RARB: variants seen among roughly 807,000 people sequenced by gnomAD.
The protein encoded by RARB is HBV-activated protein.
A neutral mutation model predicts 51.9 loss-of-function variants in RARB; 17 were observed. The ratio of observed to expected loss-of-function variants is 0.33; its 90% CI spans 0.22 to 0.49. The LOEUF is 0.49. Ranked by LOEUF, RARB falls within the 20% of genes least tolerant of loss-of-function variation. The probability of loss-of-function intolerance (pLI) is 0.99; values close to 1 mark genes in which losing one functional copy is unlikely to be tolerated. For missense variants in RARB, 369 were observed against 550.8 expected (o/e 0.67, Z 3.30); for synonymous variants, 215 against 195.4 (o/e 1.10, Z -0.84).
chr3:24,942,928 A>G (rs1286206973), intron 2 of RARB, among the ~76,000 whole-genome samples: 1 of 152,206 alleles, frequency 6.6e-6, no homozygotes, highest in Non-Finnish European at 1.5e-5. Flanking sequence ...TATTAATAAA[A>G]ATGTAAGAGA....
intron 3 of RARB, among the ~76,000 whole-genome samples, chr3:25,527,496 G>C (rs577357297): frequency 6.6e-6 from 1 of 152,330 alleles, no homozygotes; most frequent in Non-Finnish European, 1.5e-5. Context: ...TTAGTCAGCT[G>C]TGGGTTCAAT....
At chr3:24,997,265 A>G (rs946679687) in intron 2 of RARB, among the ~76,000 whole-genome samples, 1 of 152,044 alleles carries the variant, frequency 6.6e-6, no homozygotes, top group African/African-American at 2.4e-5. Flanking sequence ...TTTGCCTGAT[A>G]AGTATAGCTA....
intron 3 of RARB, among the ~76,000 whole-genome samples, chr3:25,067,512 A>G (rs921859730): frequency 1.3e-5 from 2 of 152,184 alleles, no homozygotes; most frequent in Admixed American, 6.5e-5. Context: ...GCCTTTTATC[A>G]CATTTTAATG....
At chr3:24,993,794 A>G (rs913001084) in intron 2 of RARB, among the ~76,000 whole-genome samples, 1 of 152,146 alleles carries the variant, frequency 6.6e-6, no homozygotes. Flanking sequence ...CACTTAACAT[A>G]TGATCCTCCA....
intron 5 of RARB, among the ~76,000 whole-genome samples, chr3:25,195,429 T>C (rs1701210237): frequency 6.6e-6 from 1 of 152,060 alleles, no homozygotes; most frequent in South Asian, 2.1e-4. Flanking sequence ...GCTAAAGTAA[T>C]ATTTCTTAAG....
chr3:25,539,705 C>T (rs1699297009), intron 3 of RARB, among the ~76,000 whole-genome samples: 1 of 151,132 alleles, frequency 6.6e-6, no homozygotes, highest in East Asian at 1.9e-4. Context: ...CAGAGGTGGT[C>T]TGTCCAGAGT....
Position 24,868,416 on chromosome 3 carries a change from C to T in RARB, c.-380+9664C>T, listed in dbSNP as rs1002095938. On this transcript the variant is annotated intron_variant, in intron 2 of 11. Coordinates refer to the RARB transcript ENST00000383772. Reference sequence around the variant, plus strand: ...AAAATACTTTATATATTAACTCTGTCGTGGCTACTTTCCATTTCTATTTTT... The same window carrying T: ...AAAATACTTTATATATTAACTCTGTTGTGGCTACTTTCCATTTCTATTTTT... 3.9e-5 allele frequency among the ~76,000 whole-genome samples: 6 copies of T among 152,086 alleles called. No homozygotes were observed. The East Asian group carries it at 1.2e-3, about 29-fold the overall frequency.
At chr3:25,502,171 G>A (rs982099364) in intron 3 of RARB, among the ~76,000 whole-genome samples, 5 of 152,222 alleles carry the variant, frequency 3.3e-5, no homozygotes, top group African/African-American at 4.8e-5. Flanking sequence ...GCACATGTGA[G>A]CAGTGGGCTG....
At chr3:24,947,314 T>C (rs1695796817) in intron 2 of RARB, among the ~76,000 whole-genome samples, 1 of 152,262 alleles carries the variant, frequency 6.6e-6, no homozygotes, top group Non-Finnish European at 1.5e-5. Flanking sequence ...TTTCTCTGTT[T>C]ACCAATCCTA....
At chr3:24,895,857 C>T (rs1415615573) in intron 2 of RARB, among the ~76,000 whole-genome samples, 1 of 152,154 alleles carries the variant, frequency 6.6e-6, no homozygotes, top group Non-Finnish European at 1.5e-5. Flanking sequence ...ACTTCCACAA[C>T]CAGGCATATA....
intron 3 of RARB, among the ~76,000 whole-genome samples, chr3:25,555,910 G>A (rs1575515587): frequency 6.6e-6 from 1 of 152,306 alleles, no homozygotes; most frequent in African/African-American, 2.4e-5. Flanking sequence ...CTGGGCATGG[G>A]TGTGGGTGTT....
chr3:24,991,371 A>T (rs1487487373), intron 2 of RARB, among the ~76,000 whole-genome samples: 1 of 151,608 alleles, frequency 6.6e-6, no homozygotes, highest in South Asian at 2.1e-4. Context: ...TGAACCTGGG[A>T]GGTAGAGGTT....
chr3:25,341,978 A>T (rs1419200970), intron 5 of RARB, among the ~76,000 whole-genome samples: 1 of 152,200 alleles, frequency 6.6e-6, no homozygotes. Flanking sequence ...TCTTCCACTA[A>T]AACAACACTT....
intron 2 of RARB, among the ~76,000 whole-genome samples, chr3:25,000,821 A>G (rs1488489118): frequency 6.6e-6 from 1 of 152,166 alleles, no homozygotes; most frequent in African/African-American, 2.4e-5. Context: ...CTTACTTACA[A>G]AAGTGTAAGT....
intron 5 of RARB, among the ~76,000 whole-genome samples, chr3:25,369,861 G>A (rs1351811221): frequency 2.6e-5 from 4 of 152,080 alleles, no homozygotes; most frequent in African/African-American, 9.7e-5. Flanking sequence ...GGCAGAGTTT[G>A]CAGTGAGCCA....
intron 3 of RARB, among the ~76,000 whole-genome samples, chr3:25,542,756 T>C (rs1189939253): frequency 6.6e-6 from 1 of 152,256 alleles, no homozygotes; most frequent in Non-Finnish European, 1.5e-5. Flanking sequence ...CATTAGTAAC[T>C]GCCATGGAGC....
chr3:24,875,018 C>A (rs1267238615), intron 2 of RARB, among the ~76,000 whole-genome samples: 4 of 151,940 alleles, frequency 2.6e-5, no homozygotes, highest in Non-Finnish European at 2.9e-5. Flanking sequence ...AATATGTAAA[C>A]CTTAGAATGC....
chr3:25,215,092 G>C (rs1165083308), intron 5 of RARB, among the ~76,000 whole-genome samples: 1 of 152,148 alleles, frequency 6.6e-6, no homozygotes, highest in South Asian at 2.1e-4. Flanking sequence ...AAAAATCCCA[G>C]CCAGTTGTTC....
At chr3:25,578,640 G>A (rs1265764639) in intron 4 of RARB, among the ~76,000 whole-genome samples, 1 of 152,178 alleles carries the variant, frequency 6.6e-6, no homozygotes, top group African/African-American at 2.4e-5. Flanking sequence ...TCCCTCAAGT[G>A]TACTGTATAC....
Sources: gnomAD v4.1 joint callset for allele counts (sites outside exome capture counted in the v4.1 genomes callset) on GRCh38, gnomAD v4.1.1 for gene constraint, MANE v1.5 for transcripts, NCBI Gene and HGNC (gene_info 2026-07-23, HGNC 2026-07-21) for gene names.